RAB33B: variants seen among roughly 807,000 people sequenced by gnomAD.
RAB33B encodes the protein ras-related protein Rab-33B.
Under a neutral mutation model 15.0 loss-of-function variants are expected in RAB33B, and 6 were observed. That is an observed-to-expected ratio of 0.40 (90% CI 0.22 to 0.79). RAB33B has a LOEUF of 0.79. Among genes scored for constraint, RAB33B ranks in the 30% least tolerant of loss-of-function variants. RAB33B has a pLI of 0.37. For missense variants in RAB33B, 257 were observed against 296.4 expected, an observed-to-expected ratio of 0.87 and a Z score of 0.98; for synonymous variants, 117 against 108.3, an observed-to-expected ratio of 1.08 and a Z score of -0.50.
At chr4:139,472,301 G>C (rs1750407516) in intron 1 of RAB33B, among the ~76,000 whole-genome samples, 1 of 152,062 alleles carries the variant, frequency 6.6e-6, no homozygotes, top group Non-Finnish European at 1.5e-5. Context: ...TTTTAAATTA[G>C]ACTAGTGAAA....
At chr4:139,472,438 A>C (rs542391291) in intron 1 of RAB33B, among the ~76,000 whole-genome samples, 1 of 152,274 alleles carries the variant, frequency 6.6e-6, no homozygotes, top group African/African-American at 2.4e-5. Context: ...AACAAATTGG[A>C]TTTACTGAAA....
At chr4:139,440,612 C>G in the RAB33B span, among the ~76,000 whole-genome samples, 1,571 of 146,814 alleles carry the variant, frequency 0.011, 34 homozygotes, top group African/African-American at 0.037. Context: ...TGGAAATTGA[C>G]CAATTTTTTT....
chr4:139,465,124 T>C (rs1316377343), intron 1 of RAB33B, among the ~76,000 whole-genome samples: 1 of 152,246 alleles, frequency 6.6e-6, no homozygotes, highest in African/African-American at 2.4e-5. Context: ...TTGATTTGCA[T>C]TTCTCTGATG....
At chr4:139,456,774 G>C (rs994777795) in intron 1 of RAB33B, among the ~76,000 whole-genome samples, 4 of 152,216 alleles carry the variant, frequency 2.6e-5, no homozygotes, top group African/African-American at 9.6e-5. Flanking sequence ...GGTTTCTATA[G>C]TAGGAAAAGA....
intron 1 of RAB33B, among the ~76,000 whole-genome samples, chr4:139,459,581 G>A (rs968699716): frequency 6.6e-6 from 1 of 151,956 alleles, no homozygotes; most frequent in Non-Finnish European, 1.5e-5. Flanking sequence ...ATTCAGGGCA[G>A]GATCCATGTC....
chr4:139,467,665 T>A (rs1275135787), intron 1 of RAB33B, among the ~76,000 whole-genome samples: 2 of 151,732 alleles, frequency 1.3e-5, no homozygotes, highest in African/African-American at 4.8e-5. Context: ...CAGACCAGCC[T>A]GGCCAACATG....
rs140704396 is a variant in RAB33B at position 139,459,033 on chromosome 4, T to C, written c.249+4589T>C. Among the ~76,000 whole-genome samples, 1,288 of 152,250 alleles carry C rather than the reference T, an allele frequency of 8.5e-3. 18 individuals are homozygous for C. Among genetic ancestry groups the C allele is most frequent in the African/African-American group, 0.03 (1,232 of 41,534 alleles). On this transcript the variant is annotated intron_variant, in intron 1 of 1. Transcript: ENST00000305626. ...TGATGTTGAGCATTTTTTCATATGC[T>C]TTTTGGCCACAGATATATCTTCTTT...
chr4:139,450,375 A>G (rs1409212314), upstream of RAB33B: 2 of 152,232 alleles, frequency 1.3e-5, no homozygotes, highest in Non-Finnish European at 2.9e-5. Flanking sequence ...GGGTAACTGG[A>G]ATTGTGTCTT....
chr4:139,444,522 A>T, the RAB33B span, among the ~76,000 whole-genome samples: 1 of 152,126 alleles, frequency 6.6e-6, no homozygotes, highest in Non-Finnish European at 1.5e-5. Context: ...CCCCAAGAAG[A>T]TCTCTAGCCT....
At chr4:139,447,589 T>A in the RAB33B span, among the ~76,000 whole-genome samples, 1 of 151,456 alleles carries the variant, frequency 6.6e-6, no homozygotes, top group Admixed American at 6.6e-5. Flanking sequence ...AAGTCAACAG[T>A]CTAAGAAGGG....
upstream of RAB33B, chr4:139,453,060 A>G (rs1749962921): frequency 6.6e-6 from 1 of 152,214 alleles, no homozygotes; most frequent in Admixed American, 6.5e-5. Flanking sequence ...TAATCTATTG[A>G]TATTTTCCTT....
In RAB33B at chr4:139,473,211, A is replaced by C; in HGVS notation, c.*85A>C. On this transcript the variant is annotated 3_prime_UTR_variant, in exon 2 of 2. Transcript: ENST00000305626. ...GTATTAAGTCATAAGATTTAATCTC[A>C]ACTATAATGGGTCATCTTGACACTT... The C allele has an allele frequency of 8.6e-7, 1 of 1,163,282 alleles. No individual in the cohort carries two copies. Among genetic ancestry groups the C allele is most frequent in the Non-Finnish European group, 1.2e-6 (1 of 836,934 alleles). 72.1% of individuals were successfully genotyped at this position (1,163,282 alleles called of 1,614,324 possible).
chr4:139,461,155 A>G (rs1750164344), intron 1 of RAB33B, among the ~76,000 whole-genome samples: 1 of 152,210 alleles, frequency 6.6e-6, no homozygotes, highest in African/African-American at 2.4e-5. Context: ...CTGCAGCTCT[A>G]CATGCCCATT....
upstream of RAB33B, chr4:139,453,191 T>A (rs1396115825): frequency 6.6e-6 from 1 of 152,212 alleles, no homozygotes; most frequent in Non-Finnish European, 1.5e-5. Context: ...GGGCGCCTAG[T>A]AACTACCAGG....
rs775417496 is a variant in RAB33B at position 139,472,794 on chromosome 4, G to T, written c.358G>T (p.Ala120Ser). 4 of 1,614,020 alleles carry T rather than the reference G, an allele frequency of 2.5e-6. No homozygotes were observed. Among genetic ancestry groups the T allele is most frequent in the Non-Finnish European group, 3.4e-6 (4 of 1,179,924 alleles). The change falls in exon 2 of 2, where the codon GCT (alanine) becomes TCT (serine). Residue 120 changes from alanine to serine, a missense_variant. Ala to Ser is a moderately conservative substitution (Grantham distance 99). Transcript: ENST00000305626. The part of the protein sequence containing the change: ...VVFVYDMTNM[A>S]SFHSLPSWIE... Reference sequence around the variant, plus strand: ...CTTCGTGTATGATATGACCAACATGGCTAGTTTTCATAGCCTACCATCTTG... The same window carrying T: ...CTTCGTGTATGATATGACCAACATGTCTAGTTTTCATAGCCTACCATCTTG...
At chr4:139,459,822 C>T (rs1476769499) in intron 1 of RAB33B, among the ~76,000 whole-genome samples, 2 of 151,898 alleles carry the variant, frequency 1.3e-5, no homozygotes, top group Admixed American at 6.6e-5. Context: ...TTAGTAGAGA[C>T]GGGGTTTCAC....
chr4:139,460,933 C>G (rs1750160302), intron 1 of RAB33B, among the ~76,000 whole-genome samples: 1 of 152,204 alleles, frequency 6.6e-6, no homozygotes, highest in African/African-American at 2.4e-5. Context: ...TCTCTTCTGT[C>G]ACTTCTTACG....
At chr4:139,462,129 C>T (rs974161340) in intron 1 of RAB33B, among the ~76,000 whole-genome samples, 4 of 149,166 alleles carry the variant, frequency 2.7e-5, no homozygotes, top group Non-Finnish European at 5.9e-5. Context: ...TCTGGGCTCA[C>T]TGCAAGCTCC....
the RAB33B span, among the ~76,000 whole-genome samples, chr4:139,443,287 C>T: frequency 4.6e-5 from 7 of 152,102 alleles, no homozygotes; most frequent in African/African-American, 1.4e-4. Flanking sequence ...CCACCGCGCC[C>T]GGCCTGGCAT....
Sources: gnomAD v4.1 joint callset for allele counts (sites outside exome capture counted in the v4.1 genomes callset) on GRCh38, gnomAD v4.1.1 for gene constraint, MANE v1.5 for transcripts, NCBI Gene and HGNC (gene_info 2026-07-23, HGNC 2026-07-21) for gene names.